The following SMC5 variants were observed in gnomAD, a reference collection of about 807,000 sequenced individuals.
SMC5 encodes the protein structural maintenance of chromosomes 5, also known as structural maintenance of chromosomes protein 5.
Under a neutral mutation model 148.3 loss-of-function variants are expected in SMC5, and 88 were observed. The observed-to-expected ratio is 0.59, with a 90% CI of 0.50 to 0.71. SMC5 has a LOEUF of 0.71. SMC5 is among the 30% of genes least tolerant of loss of function. The pLI, the probability that SMC5 is intolerant of heterozygous loss-of-function variation, is 0.00. For synonymous variants in SMC5, 421 were observed against 432.8 expected, an observed-to-expected ratio of 0.97 and a Z score of 0.34; for missense variants, 1,142 against 1,298.9, an observed-to-expected ratio of 0.88 and a Z score of 1.86.
intron 1 of SMC5, 97 bp from the exon 2 acceptor site, chr9:70,264,207 A>C: frequency 9.5e-7 from 1 of 1,052,738 alleles, no homozygotes; most frequent in East Asian, 2.7e-5. Context: ...AAGGTTAGCT[A>C]GTTTTTAAAG....
intron 8 of SMC5, among the ~76,000 whole-genome samples, chr9:70,289,875 A>ATATTAT (rs61565465): frequency 0.014 from 2,035 of 149,546 alleles, 34 homozygotes; most frequent in South Asian, 0.068. Context: ...GTTATTTAAA[A>ATATTAT]TATTATTATT....
At position 70,270,642 on chromosome 9, in the gene SMC5, ATTTTTT is replaced by A. The variant is rs71364589; in HGVS notation, c.380+2686_380+2691del. 4.8e-5 allele frequency among the ~76,000 whole-genome samples: 5 copies of A among 103,810 alleles called. No homozygotes were observed. The East Asian group carries it at 1.2e-3, about 25-fold the overall frequency. 68.1% of individuals were successfully genotyped at this position (103,810 alleles called of 152,430 possible). On this transcript the variant is annotated intron_variant, in intron 3 of 24. Coordinates refer to ENST00000361138, the MANE Select transcript of SMC5 (RefSeq NM_015110.4). The stretch of plus-strand genomic sequence containing the variant: ...AGGAATTGAGGACAGAGACTAAATA[ATTTTTT>A]TTTTTTTTTTTTTTTTTTGGGACGG...
intron 2 of SMC5, among the ~76,000 whole-genome samples, chr9:70,266,122 A>G (rs2034285318): frequency 6.6e-6 from 1 of 152,196 alleles, no homozygotes; most frequent in African/African-American, 2.4e-5. Flanking sequence ...AAAAAATTTC[A>G]AAAAATGGAC....
chr9:70,319,427 T>G (rs2035892558), intron 15 of SMC5, among the ~76,000 whole-genome samples: 1 of 152,200 alleles, frequency 6.6e-6, no homozygotes, highest in African/African-American at 2.4e-5. Flanking sequence ...AGTGGCGTTT[T>G]ACATTTTTGC....
chr9:70,300,554 G>A (rs945859192), intron 10 of SMC5, among the ~76,000 whole-genome samples: 1 of 151,956 alleles, frequency 6.6e-6, no homozygotes, highest in South Asian at 2.1e-4. Context: ...GCTGTAAATA[G>A]GTTGATTAAA....
intron 17 of SMC5, among the ~76,000 whole-genome samples, chr9:70,326,596 CTTTTTTTTTTTTTTTTAATT>C (rs2036083771): frequency 7.9e-6 from 1 of 126,600 alleles, no homozygotes; most frequent in African/African-American, 2.9e-5. Context: ...AAACCAGAAT[CTTTTTTTTTTTTTTTTAATT>C]TTTTTTTTTT....
At chr9:70,308,264 A>G (rs1481142195) in intron 11 of SMC5, among the ~76,000 whole-genome samples, 1 of 152,050 alleles carries the variant, frequency 6.6e-6, no homozygotes, top group East Asian at 1.9e-4. Context: ...CCATCAGTAT[A>G]TTTAGTAATT....
At chr9:70,279,495 G>C (rs899304445) in intron 5 of SMC5, among the ~76,000 whole-genome samples, 1 of 151,598 alleles carries the variant, frequency 6.6e-6, no homozygotes, top group African/African-American at 2.4e-5. Flanking sequence ...TTCCAGCCTG[G>C]GTGACAGAGC....
At position 70,278,621 on chromosome 9, in the gene SMC5, T is replaced by C. The variant is rs1171582964; in HGVS notation, c.674T>C (p.Leu225Pro). ...LKNLREKEKQ[L>P]ETSCKEKTEY... ...AACTTAAGGGAGAAAGAAAAACAGCTCGAGGTACTTTAAATAGACAACTCA... is the reference window on the plus strand; with the variant it reads ...AACTTAAGGGAGAAAGAAAAACAGCCCGAGGTACTTTAAATAGACAACTCA... Residue 225 changes from leucine (L) to proline (P), a missense_variant, in exon 5 of 25, where the codon CTC becomes CCC. This residue lies in a region of SMC5 where 297 missense variants were observed against 302.6 expected (regional missense o/e 0.98). Coordinates refer to ENST00000361138, the MANE Select transcript of SMC5 (RefSeq NM_015110.4). 1 of 1,599,180 alleles carries C rather than the reference T, an allele frequency of 6.3e-7. No individual in the cohort carries two copies. The highest frequency in any genetic ancestry group is 8.5e-7 in the Non-Finnish European group (1 of 1,176,492).
intron 15 of SMC5, 145 bp from the exon 16 acceptor site, chr9:70,323,338 A>C (rs2035995066): frequency 2.9e-6 from 2 of 679,078 alleles, no homozygotes; most frequent in Admixed American, 6.1e-5. Context: ...GAAACAACTT[A>C]TATTGATTGA....
chr9:70,300,009 C>A (rs1411028799), intron 9 of SMC5, 37 bp from the exon 10 acceptor site: 2 of 1,514,788 alleles, frequency 1.3e-6, no homozygotes. Flanking sequence ...TTAAAATTTT[C>A]AGAGAAACAA....
intron 1 of SMC5, among the ~76,000 whole-genome samples, chr9:70,264,075 A>G (rs1460274453): frequency 6.6e-6 from 1 of 152,204 alleles, no homozygotes; most frequent in Admixed American, 6.5e-5. Context: ...TCTTCAGCAG[A>G]CTTTTGAAAA....
chr9:70,316,275 G>A (rs11142364), intron 13 of SMC5, among the ~76,000 whole-genome samples: 11,571 of 151,896 alleles, frequency 0.076, 512 homozygotes, highest in African/African-American at 0.13. Flanking sequence ...ATGAGCATCT[G>A]GTAACTGATT....
intron 8 of SMC5, among the ~76,000 whole-genome samples, chr9:70,292,840 G>A (rs894404165): frequency 8.5e-5 from 13 of 152,136 alleles, no homozygotes; most frequent in Middle Eastern, 3.4e-3. Context: ...TTTTGCATCC[G>A]TCAAATAAAC....
At chr9:70,334,207 A>T (rs1160020590) in intron 17 of SMC5, among the ~76,000 whole-genome samples, 1 of 151,888 alleles carries the variant, frequency 6.6e-6, no homozygotes, top group Admixed American at 6.6e-5. Context: ...CAGTGCTGGA[A>T]CAATTGCATA....
intron 22 of SMC5, among the ~76,000 whole-genome samples, chr9:70,349,430 A>G (rs1415370431): frequency 6.6e-6 from 1 of 152,208 alleles, no homozygotes; most frequent in African/African-American, 2.4e-5. Context: ...AGTGCCATCA[A>G]TAAGAATAGT....
chr9:70,279,405 C>T (rs1310065530), intron 5 of SMC5, among the ~76,000 whole-genome samples: 1 of 151,956 alleles, frequency 6.6e-6, no homozygotes, highest in Non-Finnish European at 1.5e-5. Flanking sequence ...CTGTACTTCC[C>T]GCACTTGGGA....
chr9:70,344,344 A>T (rs1244307616), intron 18 of SMC5, 75 bp downstream of exon 18: 2 of 1,184,382 alleles, frequency 1.7e-6, no homozygotes, highest in African/African-American at 3.2e-5. Flanking sequence ...TAGCCATTGT[A>T]ACAGGCCGTG....
rs571427122 is a variant in SMC5 at position 70,334,724 on chromosome 9, G to T, written c.2398-9420G>T. On this transcript the variant is annotated intron_variant, in intron 17 of 24. Transcript: ENST00000361138. Reference sequence around the variant, plus strand: ...CTTTAAAGTTTGCTGACCCCTGATGGATGCTATAAAAATAATTTCAACTAT... The same window carrying T: ...CTTTAAAGTTTGCTGACCCCTGATGTATGCTATAAAAATAATTTCAACTAT... Among the ~76,000 whole-genome samples, 5 of 152,176 alleles carry T rather than the reference G, an allele frequency of 3.3e-5. No individual in the cohort carries two copies. The South Asian group carries it at 6.2e-4, about 19-fold the overall frequency.
Sources: gnomAD v4.1 joint callset for allele counts (sites outside exome capture counted in the v4.1 genomes callset) on GRCh38, gnomAD v4.1.1 for gene constraint, gnomAD v4.1.1 regional missense constraint, MANE v1.5 for transcripts, NCBI Gene and HGNC (gene_info 2026-07-23, HGNC 2026-07-21) for gene names.